The following ABCA12 variants were observed in gnomAD, a reference collection of about 807,000 sequenced individuals.
The protein encoded by ABCA12 is glucosylceramide transporter ABCA12.
Under a neutral mutation model 293.5 loss-of-function variants are expected in ABCA12, and 156 were observed. The observed-to-expected ratio is 0.53, with a 90% CI of 0.47 to 0.61. The LOEUF is 0.61. Among genes scored for constraint, ABCA12 ranks in the 20% least tolerant of loss-of-function variants. The pLI is 0.00. For synonymous variants in ABCA12, 1,063 were observed against 1,108.0 expected (o/e 0.96, Z 0.81); for missense variants, 2,797 against 3,090.2 (o/e 0.91, Z 2.25).
In ABCA12 at chr2:214,946,983, A is replaced by G. The variant is rs865872536; in HGVS notation, c.7239+439T>C. Reference sequence around the variant, plus strand: ...AACAAGGAAATAAAATTTTAGCACAACACATTGTCCTAAAATGTGTCTGTC... The same window carrying G: ...AACAAGGAAATAAAATTTTAGCACAGCACATTGTCCTAAAATGTGTCTGTC... On this transcript the variant is annotated intron_variant, in intron 48 of 52. Transcript: ENST00000272895. 7.2e-5 allele frequency among the ~76,000 whole-genome samples: 11 copies of G among 152,280 alleles called. No homozygotes were observed. In the Middle Eastern group the frequency reaches 0.01, roughly 141 times the overall value.
Position 215,000,842 on chromosome 2 carries a change from G to A in ABCA12, c.3042C>T (p.Asn1014=), listed in dbSNP as rs1046817006. 1.2e-6 allele frequency: 2 copies of A among 1,613,988 alleles called. No individual in the cohort carries two copies. Among genetic ancestry groups the A allele is most frequent in the Non-Finnish European group, 8.5e-7 (1 of 1,180,012 alleles). ...AAATAAAAGCCCTGCCATAGATCTGGTTGTGTGATGGAGAATTGTGTGGCC... is the reference window on the plus strand; with the variant it reads ...AAATAAAAGCCCTGCCATAGATCTGATTGTGTGATGGAGAATTGTGTGGCC... ...APGPHNSPSH[N]QIYGRAFIYL... The change falls in exon 22 of 53, where the codon AAC becomes AAT. Residue 1014 remains asparagine (N), a synonymous_variant. Transcript: ENST00000272895.
chr2:214,975,256 A>T (rs1207904870), intron 34 of ABCA12, among the ~76,000 whole-genome samples: 2 of 152,162 alleles, frequency 1.3e-5, no homozygotes, highest in Non-Finnish European at 2.9e-5. Context: ...GAGCCACGGC[A>T]CTCAGCCTAG....
chr2:214,946,757 T>C (rs1479667070), intron 48 of ABCA12, among the ~76,000 whole-genome samples: 1 of 152,190 alleles, frequency 6.6e-6, no homozygotes, highest in Non-Finnish European at 1.5e-5. Flanking sequence ...AACCATCCTT[T>C]GACAAAGTTA....
chr2:215,106,962 G>A (rs566986943), intron 2 of ABCA12, among the ~76,000 whole-genome samples: 1 of 152,284 alleles, frequency 6.6e-6, no homozygotes, highest in Admixed American at 6.5e-5. Context: ...GCCCAGGAGT[G>A]TTAGAAAGTG....
intron 1 of ABCA12, among the ~76,000 whole-genome samples, chr2:215,131,375 T>A (rs1488282868): frequency 6.6e-6 from 1 of 152,054 alleles, no homozygotes; most frequent in Non-Finnish European, 1.5e-5. Context: ...GGGCTTTTTT[T>A]ATCGGGAGAT....
chr2:214,974,186 C>T, intron 35 of ABCA12, 144 bp from the exon 36 acceptor site: 1 of 765,352 alleles, frequency 1.3e-6, no homozygotes, highest in Non-Finnish European at 2.3e-6. Flanking sequence ...CTTCAGTGTA[C>T]ATTGCTCCAC....
At chr2:215,012,220 G>C in intron 15 of ABCA12, 85 bp from the exon 16 acceptor site, 2 of 1,271,204 alleles carry the variant, frequency 1.6e-6, no homozygotes, top group Non-Finnish European at 2.2e-6. Context: ...GAAAGGTACA[G>C]CCACTTTGGA....
chr2:215,012,054 T>C lies in ABCA12; in HGVS notation c.2038A>G (p.Met680Val). Reference protein sequence around the residue: ...FIRLKEILNQMASGTHPLLDK... With the variant: ...FIRLKEILNQVASGTHPLLDK... Reference sequence around the variant, plus strand: ...AGCAGCGGATGTGTGCCAGAAGCCATCTGATTGAGAATCTCTTTTAGTCTT... The same window carrying C: ...AGCAGCGGATGTGTGCCAGAAGCCACCTGATTGAGAATCTCTTTTAGTCTT... The change falls in exon 16 of 53, where the codon ATG (methionine) becomes GTG (valine). Residue 680 changes from methionine to valine, a missense_variant. By Grantham distance (21) the Met-to-Val change is conservative. Transcript: ENST00000272895. 6.2e-7 allele frequency: 1 copy of C among 1,614,024 alleles called. No individual in the cohort carries two copies. Among genetic ancestry groups the C allele is most frequent in the Non-Finnish European group, 8.5e-7 (1 of 1,179,930 alleles).
intron 50 of ABCA12, among the ~76,000 whole-genome samples, chr2:214,938,879 T>G (rs955010988): frequency 6.6e-6 from 1 of 152,192 alleles, no homozygotes; most frequent in Non-Finnish European, 1.5e-5. Flanking sequence ...ATGGATAGAT[T>G]GCAAAAATTT....
intron 3 of ABCA12, among the ~76,000 whole-genome samples, chr2:215,063,010 C>CT (rs1044883494): frequency 9.9e-5 from 15 of 151,920 alleles, no homozygotes; most frequent in African/African-American, 3.1e-4. Flanking sequence ...GTCTATTAAT[C>CT]TGTTTTTTAA....
intron 23 of ABCA12, among the ~76,000 whole-genome samples, chr2:214,993,948 G>A (rs1360000607): frequency 1.3e-5 from 2 of 152,100 alleles, no homozygotes; most frequent in Non-Finnish European, 2.9e-5. Context: ...TCAGATTCCA[G>A]TCCCAGGAAT....
At chr2:215,075,459 A>C (rs1176620054) in intron 2 of ABCA12, 1 of 650,178 alleles carries the variant, frequency 1.5e-6, no homozygotes, top group East Asian at 2.8e-5. Context: ...AGGTTCAGAC[A>C]GGAGCGAGAG....
intron 31 of ABCA12, among the ~76,000 whole-genome samples, chr2:214,979,455 TA>T (rs1399061721): frequency 6.6e-6 from 1 of 152,110 alleles, no homozygotes; most frequent in East Asian, 1.9e-4. Context: ...TTACCCTACT[TA>T]AATATTGCCC....
chr2:215,122,978 T>C (rs1239036244), intron 1 of ABCA12, among the ~76,000 whole-genome samples: 1 of 152,128 alleles, frequency 6.6e-6, no homozygotes, highest in Non-Finnish European at 1.5e-5. Context: ...TTTTCTGTCT[T>C]TGTGCCTGTG....
intron 2 of ABCA12, among the ~76,000 whole-genome samples, chr2:215,070,894 C>T (rs953209736): frequency 6.6e-6 from 1 of 151,960 alleles, no homozygotes; most frequent in Non-Finnish European, 1.5e-5. Flanking sequence ...AAAAAATAAA[C>T]CTTCGGCTAG....
intron 50 of ABCA12, among the ~76,000 whole-genome samples, chr2:214,938,040 T>G (rs1273965827): frequency 1.3e-5 from 2 of 152,126 alleles, no homozygotes; most frequent in East Asian, 3.8e-4. Flanking sequence ...TGTGCCGTGG[T>G]GGTTTGCTGC....
intron 51 of ABCA12, among the ~76,000 whole-genome samples, chr2:214,935,518 C>T (rs994144338): frequency 1.1e-4 from 17 of 151,990 alleles, no homozygotes; most frequent in Non-Finnish European, 4.4e-5. Flanking sequence ...AAAGCTAGGC[C>T]GAGTGTGGTG....
chr2:214,961,192 G>A (rs1229601692), intron 39 of ABCA12, among the ~76,000 whole-genome samples: 2 of 151,992 alleles, frequency 1.3e-5, no homozygotes, highest in Non-Finnish European at 2.9e-5. Flanking sequence ...GAAAGAGATC[G>A]AGTTCCTTCC....
chr2:215,004,969 T>C (rs926546385), intron 19 of ABCA12, among the ~76,000 whole-genome samples: 25 of 152,192 alleles, frequency 1.6e-4, no homozygotes, highest in African/African-American at 6.0e-4. Flanking sequence ...AAAAACATAA[T>C]TGCTTTAAAA....
Sources: gnomAD v4.1 joint callset for allele counts (sites outside exome capture counted in the v4.1 genomes callset) on GRCh38, gnomAD v4.1.1 for gene constraint, MANE v1.5 for transcripts, NCBI Gene and HGNC (gene_info 2026-07-23, HGNC 2026-07-21) for gene names.